SSH2: variants seen among roughly 807,000 people sequenced by gnomAD.
SSH2 encodes the protein protein phosphatase Slingshot homolog 2.
In SSH2, 37 loss-of-function variants were observed where a neutral mutation model predicts 135.2. The ratio of observed to expected loss-of-function variants is 0.27; its 90% CI spans 0.21 to 0.36. The LOEUF (loss-of-function observed/expected upper bound fraction) is 0.36. SSH2 is among the 10% of genes least tolerant of loss of function. The probability of loss-of-function intolerance (pLI) is 1.00; values close to 1 mark genes in which losing one functional copy is unlikely to be tolerated. For missense variants in SSH2, 1,408 were observed against 1,765.3 expected, an observed-to-expected ratio of 0.80 and a Z score of 3.63; for synonymous variants, 628 against 646.2, an observed-to-expected ratio of 0.97 and a Z score of 0.43.
At chr17:29,699,611 T>C (rs1237402351) in intron 4 of SSH2, among the ~76,000 whole-genome samples, 1 of 152,178 alleles carries the variant, frequency 6.6e-6, no homozygotes, top group Non-Finnish European at 1.5e-5. Context: ...GTGTAGAAGT[T>C]TGACCAAAGA....
At chr17:29,677,878 TA>T (rs1458310277) in intron 6 of SSH2, 137 bp from the exon 7 acceptor site, 2 of 637,110 alleles carry the variant, frequency 3.1e-6, no homozygotes, top group Non-Finnish European at 5.6e-6. Flanking sequence ...AAGAAATTTC[TA>T]TCATATTATT....
intron 1 of SSH2, among the ~76,000 whole-genome samples, chr17:29,877,249 A>G (rs1567625592): frequency 6.6e-6 from 1 of 152,222 alleles, no homozygotes; most frequent in African/African-American, 2.4e-5. Context: ...TGTGGAAAAA[A>G]GGGAACCCTT....
intron 3 of SSH2, among the ~76,000 whole-genome samples, chr17:29,726,065 G>C (rs1254533407): frequency 6.6e-6 from 1 of 152,108 alleles, no homozygotes; most frequent in Non-Finnish European, 1.5e-5. Context: ...TAGGTAAGGA[G>C]GTGGTCAAGA....
chr17:29,804,497 T>C (rs2042304983), intron 2 of SSH2, among the ~76,000 whole-genome samples: 1 of 152,222 alleles, frequency 6.6e-6, no homozygotes, highest in African/African-American at 2.4e-5. Flanking sequence ...ATCTGAGCTC[T>C]GGATGTGAAA....
intron 1 of SSH2, among the ~76,000 whole-genome samples, chr17:29,861,584 G>C (rs1039665280): frequency 5.4e-5 from 8 of 147,066 alleles, no homozygotes; most frequent in Non-Finnish European, 1.1e-4. Flanking sequence ...TTTTTTTCTT[G>C]AGACGGTCTT....
chr17:29,633,665 A>G (rs1287347453), intron 15 of SSH2, among the ~76,000 whole-genome samples: 1 of 152,198 alleles, frequency 6.6e-6, no homozygotes, highest in African/African-American at 2.4e-5. Flanking sequence ...TAACTCTCTA[A>G]TATTTTACTA....
chr17:29,894,556 T>A (rs537965103), intron 1 of SSH2, among the ~76,000 whole-genome samples: 2 of 152,274 alleles, frequency 1.3e-5, no homozygotes, highest in East Asian at 1.9e-4. Context: ...TACTATTTTT[T>A]AATTTGTATT....
chr17:29,640,743 G>C (rs1382633246), intron 14 of SSH2: 1 of 152,170 alleles, frequency 6.6e-6, no homozygotes, highest in Non-Finnish European at 1.5e-5. Context: ...TTCTCACTCA[G>C]GGGTCCCCTC....
At chr17:29,864,303 C>CTAAATAAATAAATAAA (rs201550583) in intron 1 of SSH2, 113 of 142,560 alleles carry the variant, frequency 7.9e-4, no homozygotes, top group East Asian at 1.2e-3. Flanking sequence ...AAAACTCCAT[C>CTAAATAAATAAATAAA]TAAATAAATA....
rs193277941 is a variant in SSH2 at position 29,855,196 on chromosome 17, A to G, written c.64-6267T>C. Among the ~76,000 whole-genome samples, 9 of 150,764 alleles carry G rather than the reference A, an allele frequency of 6.0e-5. No homozygotes were observed. In the East Asian group the frequency reaches 1.8e-3, roughly 30 times the overall value. On this transcript the variant is annotated intron_variant, in intron 1 of 15. Transcript: ENST00000540801. Reference sequence around the variant, plus strand: ...GCAGGTGTACTTAAAAAAGCTAGTGACTGAAAATGTACTATTAGACATAGG... The same window carrying G: ...GCAGGTGTACTTAAAAAAGCTAGTGGCTGAAAATGTACTATTAGACATAGG...
chr17:29,746,306 G>A (rs1305103378), intron 3 of SSH2, among the ~76,000 whole-genome samples: 1 of 151,970 alleles, frequency 6.6e-6, no homozygotes, highest in African/African-American at 2.4e-5. Context: ...AGCACTTTGG[G>A]AGGCTGAGGT....
chr17:29,920,741 A>G (rs766325183), intron 1 of SSH2, among the ~76,000 whole-genome samples: 2 of 152,158 alleles, frequency 1.3e-5, no homozygotes, highest in East Asian at 1.9e-4. Context: ...AATTTTTTCA[A>G]TAAGTAGAAT....
chr17:29,708,769 A>C (rs1461974616), intron 3 of SSH2, among the ~76,000 whole-genome samples: 2 of 151,586 alleles, frequency 1.3e-5, no homozygotes, highest in Admixed American at 1.3e-4. Context: ...ACCCCGAAGG[A>C]CTTAAGAAGC....
At chr17:29,736,457 A>G (rs2040366004) in intron 3 of SSH2, among the ~76,000 whole-genome samples, 1 of 152,196 alleles carries the variant, frequency 6.6e-6, no homozygotes, top group South Asian at 2.1e-4. Flanking sequence ...CTACATGGGA[A>G]AAAAGATTAA....
intron 9 of SSH2, among the ~76,000 whole-genome samples, chr17:29,671,591 A>G (rs2037495942): frequency 6.6e-6 from 1 of 152,258 alleles, no homozygotes; most frequent in Admixed American, 6.5e-5. Flanking sequence ...TATCACTAAT[A>G]TGCTTACTAA....
chr17:29,876,830 C>A (rs1408559847), intron 1 of SSH2, among the ~76,000 whole-genome samples: 3 of 151,602 alleles, frequency 2.0e-5, no homozygotes, highest in Non-Finnish European at 4.4e-5. Context: ...TGAGTAATAC[C>A]CCACATGCAC....
rs540645355 is a variant in SSH2, at chr17:29,726,104, A to C, written c.189-23042T>G. Among the ~76,000 whole-genome samples the C allele has an allele frequency of 3.9e-5, 6 of 152,290 alleles. No homozygotes were observed. In the South Asian group the frequency reaches 1.0e-3, roughly 26 times the overall value. Reference sequence around the variant, plus strand: ...TATTCGAGCAGAGACTTAAATAAAAAATAAAACAAACACACTAACCGCCCT... The same window carrying C: ...TATTCGAGCAGAGACTTAAATAAAACATAAAACAAACACACTAACCGCCCT... On this transcript the variant is annotated intron_variant, in intron 3 of 15. Coordinates refer to ENST00000540801, the MANE Select transcript of SSH2 (RefSeq NM_001282129.2).
In SSH2 at chr17:29,674,555, T is replaced by G. The variant is rs2037626952; in HGVS notation, c.614+2265A>C. Among the ~76,000 whole-genome samples, 3 of 152,212 alleles carry G rather than the reference T, an allele frequency of 2.0e-5. No homozygotes were observed. The South Asian group carries it at 6.2e-4, about 32-fold the overall frequency. ...ACTATCTTCCTGTGAAGGAAACACCTGGTCTAAATGTTGCTTTGATCCACA... is the reference window on the plus strand; with the variant it reads ...ACTATCTTCCTGTGAAGGAAACACCGGGTCTAAATGTTGCTTTGATCCACA... On this transcript the variant is annotated intron_variant, in intron 8 of 15. Coordinates refer to ENST00000540801, the MANE Select transcript of SSH2 (RefSeq NM_001282129.2).
At chr17:29,829,693 A>C (rs965099607) in intron 2 of SSH2, among the ~76,000 whole-genome samples, 2 of 152,028 alleles carry the variant, frequency 1.3e-5, no homozygotes, top group African/African-American at 2.4e-5. Context: ...CATTGTACTG[A>C]TTGCTGGGGA....
Sources: allele counts gnomAD v4.1 joint callset (sites outside exome capture counted in the v4.1 genomes callset), GRCh38; gene constraint gnomAD v4.1.1; transcripts MANE v1.5; gene names NCBI Gene and HGNC (gene_info 2026-07-23, HGNC 2026-07-21).